Variants in DSCC1 observed in about 807,000 individuals in gnomAD.
DSCC1 encodes the protein DNA replication and sister chromatid cohesion 1, also known as sister chromatid cohesion protein DCC1.
Under a neutral mutation model 48.2 loss-of-function variants are expected in DSCC1, and 32 were observed. That is an observed-to-expected ratio of 0.66 (90% confidence interval 0.50 to 0.89). The LOEUF is 0.89. Ranked by LOEUF, DSCC1 falls within the 40% of genes least tolerant of loss-of-function variation. The probability of loss-of-function intolerance (pLI) is 0.00; values close to 1 mark genes in which losing one functional copy is unlikely to be tolerated. For missense variants in DSCC1, 421 were observed against 471.7 expected (o/e 0.89, Z 1.00); for synonymous variants, 150 against 171.5 (o/e 0.87, Z 0.98).
intron 7 of DSCC1, 129 bp downstream of exon 7, chr8:119,841,665 G>C: frequency 1.2e-6 from 1 of 851,940 alleles, no homozygotes; most frequent in Non-Finnish European, 1.8e-6. Flanking sequence ...GTGATGGATT[G>C]GATGTACATG....
In DSCC1 at chr8:119,842,778, T is replaced by G; in HGVS notation, c.767A>C (p.Glu256Ala). 6.2e-7 allele frequency: 1 copy of G among 1,606,366 alleles called. No homozygotes were observed. The highest frequency in any genetic ancestry group is 8.5e-7 in the Non-Finnish European group (1 of 1,175,756). Residue 256 changes from glutamate to alanine, a missense_variant and splice_region_variant, in exon 6 of 9, where the codon GAA becomes GCA. Glu to Ala is a moderately radical substitution (Grantham distance 107). Transcript: ENST00000313655. Reference protein sequence around the residue: ...LKCYGKKYVDEGEVYFELDAD... With the variant: ...LKCYGKKYVDAGEVYFELDAD... ...TGAGAATACTTTCCAAATCTTACCTTCATCTACATATTTCTTCCCATAACA... is the reference window on the plus strand; with the variant it reads ...TGAGAATACTTTCCAAATCTTACCTGCATCTACATATTTCTTCCCATAACA...
rs370770031 is a variant in DSCC1, at chr8:119,850,435, T to C, written c.433A>G (p.Asn145Asp). The part of the protein sequence containing the change: ...LKKLKKLLME[N>D]PYEGPDSQKE... ...TGACTGTCAGGTCCTTCATATGGAT[T>C]TTCCATCAAAAGTTTCTTTAGCTTC... Residue 145 changes from asparagine to aspartate, a missense_variant, in exon 3 of 9, where the codon AAT (asparagine) becomes GAT (aspartate). Coordinates refer to ENST00000313655, the MANE Select transcript of DSCC1 (RefSeq NM_024094.3). 1.2e-6 allele frequency: 2 copies of C among 1,602,794 alleles called. No individual in the cohort carries two copies. Among genetic ancestry groups the C allele is most frequent in the Non-Finnish European group, 1.7e-6 (2 of 1,176,478 alleles).
intron 6 of DSCC1, among the ~76,000 whole-genome samples, 164 bp from the exon 7 acceptor site, chr8:119,842,112 C>T (rs1826780910): frequency 6.6e-6 from 1 of 151,782 alleles, no homozygotes; most frequent in Non-Finnish European, 1.5e-5. Flanking sequence ...CTCGCTCTGT[C>T]ACCCAGGCTG....
chr8:119,841,074 C>A (rs1826761587), intron 7 of DSCC1, among the ~76,000 whole-genome samples: 1 of 151,692 alleles, frequency 6.6e-6, no homozygotes, highest in Non-Finnish European at 1.5e-5. Context: ...TCCCTGCAAC[C>A]TCCGCCTCCC....
chr8:119,853,008 T>A (rs1826962938), intron 2 of DSCC1, 39 bp downstream of exon 2: 1 of 1,488,414 alleles, frequency 6.7e-7, no homozygotes, highest in African/African-American at 1.4e-5. Flanking sequence ...TCTGTTTTCA[T>A]TCTCAGACTT....
chr8:119,835,113 G>GT (rs1391305897), intron 8 of DSCC1, 112 bp from the exon 9 acceptor site: 9 of 705,264 alleles, frequency 1.3e-5, no homozygotes, highest in East Asian at 8.7e-5. Context: ...CTCAACAAGC[G>GT]TAAGTGTAGG....
At chr8:119,855,448 T>C (rs1827002313) in intron 1 of DSCC1, among the ~76,000 whole-genome samples, 166 bp downstream of exon 1, 1 of 152,196 alleles carries the variant, frequency 6.6e-6, no homozygotes, top group Non-Finnish European at 1.5e-5. Flanking sequence ...TGCAGCTAAC[T>C]GGACGGCCCA....
At chr8:119,842,653 TG>T in intron 6 of DSCC1, 122 bp downstream of exon 6, 1 of 815,710 alleles carries the variant, frequency 1.2e-6, no homozygotes. Context: ...TCCAAAGTGC[TG>T]GGATTATAGG....
chr8:119,841,411 CA>C (rs1223196818), intron 7 of DSCC1, among the ~76,000 whole-genome samples: 2 of 151,966 alleles, frequency 1.3e-5, no homozygotes, highest in African/African-American at 2.4e-5. Flanking sequence ...GGCAGAAAAT[CA>C]AGGTAGTTTG....
At position 119,840,989 on chromosome 8, in the gene DSCC1, A is replaced by AT. The variant is rs565111962; in HGVS notation, c.924+804dup. On this transcript the variant is annotated intron_variant, in intron 7 of 8. Transcript: ENST00000313655. The stretch of plus-strand genomic sequence containing the variant: ...CTGACTAGCATTTATTTATTTATTT[A>AT]TTATTATTATTATTATTTTTGAGAC... Among the ~76,000 whole-genome samples, 47 of 151,536 alleles carry AT rather than the reference A, an allele frequency of 3.1e-4. No homozygotes were observed. The South Asian group carries it at 4.0e-3, about 13-fold the overall frequency.
intron 3 of DSCC1, among the ~76,000 whole-genome samples, 194 bp from the exon 4 acceptor site, chr8:119,847,274 T>G (rs1398160429): frequency 6.6e-6 from 1 of 152,224 alleles, no homozygotes; most frequent in African/African-American, 2.4e-5. Flanking sequence ...AGGTAAATCT[T>G]CATGACACTG....
In DSCC1 at chr8:119,834,678, C is replaced by A; in HGVS notation, c.*215G>T. 1 of 426,458 alleles carries A rather than the reference C, an allele frequency of 2.3e-6. No homozygotes were observed. Among genetic ancestry groups the A allele is most frequent in the East Asian group, 4.6e-5 (1 of 21,834 alleles). 26.4% of individuals were successfully genotyped at this position (426,458 alleles called of 1,614,324 possible). On this transcript the variant is annotated 3_prime_UTR_variant, in exon 9 of 9. Transcript: ENST00000313655. ...TAATATAGGAAAGAATTCTTTTGTCCTTGTTTACACTGTGTACATAGTACA... is the reference window on the plus strand; with the variant it reads ...TAATATAGGAAAGAATTCTTTTGTCATTGTTTACACTGTGTACATAGTACA...
At chr8:119,843,264 C>T (rs1826801469) in intron 5 of DSCC1, among the ~76,000 whole-genome samples, 2 of 151,600 alleles carry the variant, frequency 1.3e-5, no homozygotes, top group Middle Eastern at 3.4e-3. Context: ...AATTTTTGTA[C>T]TTTTTAGTAG....
At chr8:119,852,957 T>C in intron 2 of DSCC1, 90 bp downstream of exon 2, 1 of 1,228,270 alleles carries the variant, frequency 8.1e-7, no homozygotes, top group Non-Finnish European at 1.1e-6. Flanking sequence ...TGATTATAGA[T>C]TTTACACGTA....
Position 119,838,713 on chromosome 8 carries a change from T to A in DSCC1, c.925-306A>T, listed in dbSNP as rs117010327. The A allele has an allele frequency of 8.7e-3, 1,891 of 217,160 alleles. 14 individuals carry two copies. The highest frequency in any genetic ancestry group is 0.013 in the Non-Finnish European group (1,468 of 111,420). The allele number at this position is 217,160 out of a possible 1,614,324, so 13.5% of individuals were successfully genotyped here. A position where few individuals can be genotyped will look rare whatever the true frequency, so the allele number is the denominator to read the frequency against. On this transcript the variant is annotated intron_variant, in intron 7 of 8. Coordinates refer to ENST00000313655, the MANE Select transcript of DSCC1 (RefSeq NM_024094.3). The stretch of plus-strand genomic sequence containing the variant: ...GGGCCCTTTTCTTGGATTCATCGTG[T>A]TAGCCCTCTATTTTCTATTTTGTTT...
intron 3 of DSCC1, among the ~76,000 whole-genome samples, chr8:119,849,184 CAAAAAAAAAAAA>C (rs550853227): frequency 1.4e-4 from 4 of 29,508 alleles, no homozygotes; most frequent in Admixed American, 1.0e-3. Context: ...GACTCCCTCT[CAAAAAAAAAAAA>C]AAAAAAAAAA....
At chr8:119,837,627 C>T (rs1398000655) in intron 8 of DSCC1, among the ~76,000 whole-genome samples, 1 of 152,092 alleles carries the variant, frequency 6.6e-6, no homozygotes, top group Non-Finnish European at 1.5e-5. Context: ...TTTCAGCTGG[C>T]CACGTGTAGG....
intron 1 of DSCC1, among the ~76,000 whole-genome samples, chr8:119,854,558 A>C (rs1454921470): frequency 6.6e-6 from 1 of 152,008 alleles, no homozygotes; most frequent in Non-Finnish European, 1.5e-5. Context: ...TAACTGCACT[A>C]CCCCCACTTT....
chr8:119,840,377 A>G (rs1826749097), intron 7 of DSCC1: 1 of 152,270 alleles, frequency 6.6e-6, no homozygotes, highest in Non-Finnish European at 1.5e-5. Context: ...GAAGTGACTC[A>G]AAGATGAGCA....
Sources: gnomAD v4.1 joint callset for allele counts (sites outside exome capture counted in the v4.1 genomes callset) on GRCh38, gnomAD v4.1.1 for gene constraint, MANE v1.5 for transcripts, NCBI Gene and HGNC (gene_info 2026-07-23, HGNC 2026-07-21) for gene names.